ANKRD30B: variants seen among roughly 807,000 people sequenced by gnomAD.
ANKRD30B encodes the protein ankyrin repeat domain-containing protein 30B.
Under a neutral mutation model 202.2 loss-of-function variants are expected in ANKRD30B, and 144 were observed. That is an observed-to-expected ratio of 0.71 (90% CI 0.62 to 0.82). The LOEUF (loss-of-function observed/expected upper bound fraction) is 0.82. ANKRD30B is among the 40% of genes least tolerant of loss of function. The pLI, the probability that ANKRD30B is intolerant of heterozygous loss-of-function variation, is 0.00. For missense variants in ANKRD30B, 1,487 were observed against 1,669.1 expected (o/e 0.89, Z 1.90); for synonymous variants, 508 against 561.3 (o/e 0.91, Z 1.34).
At chr18:14,869,003 T>G in the ANKRD30B span, among the ~76,000 whole-genome samples, 23 of 152,246 alleles carry the variant, frequency 1.5e-4, no homozygotes, top group Non-Finnish European at 1.6e-4. Context: ...TTTTGCTACA[T>G]GCCTCTCAGG....
chr18:14,874,019 A>C, the ANKRD30B span, among the ~76,000 whole-genome samples: 1 of 152,170 alleles, frequency 6.6e-6, no homozygotes, highest in Admixed American at 6.5e-5. Context: ...ATTGATTTCC[A>C]TTCTAGCTGT....
At chr18:14,789,232 G>A (rs1181717956) in intron 15 of ANKRD30B, among the ~76,000 whole-genome samples, 1 of 152,128 alleles carries the variant, frequency 6.6e-6, no homozygotes, top group Non-Finnish European at 1.5e-5. Flanking sequence ...CCCACTTTTT[G>A]ATGGGGTTGT....
At chr18:14,835,052 C>A (rs1222627120) in intron 34 of ANKRD30B, among the ~76,000 whole-genome samples, 2 of 151,648 alleles carry the variant, frequency 1.3e-5, no homozygotes, top group African/African-American at 4.8e-5. Context: ...TTTTATATAA[C>A]CTTGGTAGCT....
chr18:14,758,079 T>C (rs2143684242), intron 5 of ANKRD30B, 127 bp downstream of exon 5: 2 of 1,001,020 alleles, frequency 2.0e-6, no homozygotes, highest in East Asian at 2.6e-5. Flanking sequence ...TTAGAAGGAG[T>C]ACTGGGTCCA....
the ANKRD30B span, among the ~76,000 whole-genome samples, chr18:14,922,254 C>T: frequency 2.0e-5 from 3 of 152,136 alleles, no homozygotes; most frequent in African/African-American, 7.2e-5. Flanking sequence ...GGAGCATTTA[C>T]ACCAGCCCTA....
chr18:14,793,866 C>G (rs576510430), intron 16 of ANKRD30B, among the ~76,000 whole-genome samples: 2 of 151,698 alleles, frequency 1.3e-5, no homozygotes, highest in Non-Finnish European at 2.9e-5. Context: ...TGCACTCCAG[C>G]CTGGGCGACA....
chr18:14,822,071 T>C (rs1213372800), intron 30 of ANKRD30B, among the ~76,000 whole-genome samples: 2 of 152,070 alleles, frequency 1.3e-5, no homozygotes, highest in African/African-American at 4.8e-5. Context: ...CTGATGTGTT[T>C]CTTTAATAAT....
rs368825805 is a variant in ANKRD30B at position 14,752,910 on chromosome 18, T to C, written c.408T>C (p.Asp136=). ...IDAGADLNYV[D]VYGNTALHYA... ...CTGGTGCTGATCTAAATTATGTAGA[T>C]GTGTATGGCAACACGGCTCTCCATT... The change falls in exon 3 of 44, where the codon GAT becomes GAC. Residue 136 remains aspartate, a synonymous_variant. Coordinates refer to ENST00000690538, the MANE Select transcript of ANKRD30B (RefSeq NM_001367607.2). 8.1e-6 allele frequency: 13 copies of C among 1,605,884 alleles called. No homozygotes were observed. Among genetic ancestry groups the C allele is most frequent in the Non-Finnish European group, 9.4e-6 (11 of 1,175,618 alleles).
At chr18:14,890,986 CACTA>C in the ANKRD30B span, among the ~76,000 whole-genome samples, 1 of 152,010 alleles carries the variant, frequency 6.6e-6, no homozygotes, top group Non-Finnish European at 1.5e-5. Flanking sequence ...TTTAATGACA[CACTA>C]AATAAAGTAA....
intron 14 of ANKRD30B, among the ~76,000 whole-genome samples, chr18:14,786,517 C>A (rs1968094530): frequency 6.6e-6 from 1 of 152,160 alleles, no homozygotes; most frequent in Non-Finnish European, 1.5e-5. Context: ...ACCCAATACA[C>A]TGTCATAGCA....
rs143994573 is a variant in ANKRD30B, at chr18:14,748,512, C to T, written c.93C>T (p.Tyr31=). 1.9e-6 allele frequency: 3 copies of T among 1,552,030 alleles called. No homozygotes were observed. Among genetic ancestry groups the T allele is most frequent in the African/African-American group, 2.7e-5 (2 of 73,196 alleles). Residue 31 remains tyrosine (Y), a synonymous_variant, in exon 1 of 44, where the codon TAC becomes TAT. Transcript: ENST00000690538. ...AACGGGTCTACACTGAGAAGGACTA[C>T]GGGACCATCTACTTCGGGGATCTAG... is the stretch of plus-strand genomic sequence containing the variant. ...FSERVYTEKD[Y]GTIYFGDLGK...
At chr18:14,909,004 G>T in the ANKRD30B span, among the ~76,000 whole-genome samples, 1 of 152,184 alleles carries the variant, frequency 6.6e-6, no homozygotes, top group Non-Finnish European at 1.5e-5. Flanking sequence ...AAGGAGACAG[G>T]GAAGCTGTCG....
intron 7 of ANKRD30B, among the ~76,000 whole-genome samples, chr18:14,764,825 T>C (rs1474912306): frequency 1.3e-5 from 2 of 152,218 alleles, no homozygotes; most frequent in Non-Finnish European, 2.9e-5. Flanking sequence ...CTTGCAATAA[T>C]CTTCCTGTAA....
At chr18:14,819,879 G>A (rs1236663204) in intron 30 of ANKRD30B, among the ~76,000 whole-genome samples, 2 of 152,114 alleles carry the variant, frequency 1.3e-5, no homozygotes, top group African/African-American at 4.8e-5. Context: ...CTTTAAAGTA[G>A]TTTTTTCCAA....
the ANKRD30B span, among the ~76,000 whole-genome samples, chr18:14,883,329 CTCTCTG>C: frequency 3.6e-4 from 53 of 149,072 alleles, no homozygotes; most frequent in African/African-American, 1.3e-3. Flanking sequence ...GTCTCTCTCT[CTCTCTG>C]TCTCTCTCTC....
intron 15 of ANKRD30B, among the ~76,000 whole-genome samples, chr18:14,787,981 TATC>T (rs1206647960): frequency 2.6e-5 from 4 of 152,356 alleles, no homozygotes; most frequent in Admixed American, 2.0e-4. Flanking sequence ...GCACTTTTTC[TATC>T]ATCATAAATT....
the ANKRD30B span, among the ~76,000 whole-genome samples, chr18:14,880,457 G>T: frequency 6.6e-6 from 1 of 151,986 alleles, no homozygotes; most frequent in East Asian, 1.9e-4. Context: ...TGAATTTGTA[G>T]ATTGCCTTTA....
chr18:14,820,769 A>C (rs927698765), intron 30 of ANKRD30B, among the ~76,000 whole-genome samples: 20 of 152,100 alleles, frequency 1.3e-4, no homozygotes, highest in Non-Finnish European at 2.6e-4. Flanking sequence ...TTTTGCCAGT[A>C]TTTTATTGAG....
chr18:14,748,559 C>G lies in ANKRD30B; in HGVS notation c.140C>G (p.Ser47Cys). 6.4e-7 allele frequency: 1 copy of G among 1,559,348 alleles called. No individual in the cohort carries two copies. Among genetic ancestry groups the G allele is most frequent in the Non-Finnish European group, 8.7e-7 (1 of 1,151,230 alleles). ...GDLGKIHTAA[S>C]RGQVQKLEKM... ...CTAGGGAAGATCCATACAGCTGCCT[C>G]CCGGGGCCAAGTCCAGAAGCTGGAG... The change falls in exon 1 of 44, where the codon TCC (serine) becomes TGC (cysteine). Residue 47 changes from serine to cysteine, a missense_variant. Physicochemically the swap from Ser to Cys is moderately radical, Grantham distance 112 (BLOSUM62 -1). Coordinates refer to ENST00000690538, the MANE Select transcript of ANKRD30B (RefSeq NM_001367607.2).
Sources: gnomAD v4.1 joint callset for allele counts (sites outside exome capture counted in the v4.1 genomes callset) on GRCh38, gnomAD v4.1.1 for gene constraint, MANE v1.5 for transcripts, NCBI Gene and HGNC (gene_info 2026-07-23, HGNC 2026-07-21) for gene names.